The following TRPC5 variants were observed in gnomAD, a reference collection of about 807,000 sequenced individuals.
TRPC5 encodes the protein transient receptor potential cation channel subfamily C member 5, also known as short transient receptor potential channel 5.
TRPC5 carries 9 observed loss-of-function variants against 56.5 expected under a neutral mutation model. The observed-to-expected ratio is 0.16, with a 90% CI of 0.10 to 0.28. The LOEUF is 0.28. TRPC5 is among the 10% of genes least tolerant of loss of function. TRPC5 has a pLI of 1.00. For synonymous variants in TRPC5, 282 were observed against 278.5 expected (o/e 1.01, Z -0.13); for missense variants, 469 against 748.9 (o/e 0.63, Z 4.36).
At chrX:111,986,818 C>T (rs1396517724) in intron 1 of TRPC5, among the ~76,000 whole-genome samples, 1 of 111,440 alleles carries the variant, frequency 9.0e-6, no homozygotes, top group Non-Finnish European at 1.9e-5. Context: ...CATTGTAATT[C>T]AGCCAGTTTC....
At chrX:111,831,421 G>A (rs1922403801) in intron 7 of TRPC5, among the ~76,000 whole-genome samples, 1 of 111,889 alleles carries the variant, frequency 8.9e-6, no homozygotes, top group Admixed American at 9.5e-5. Context: ...GGTGGGTGGG[G>A]AGACCACCTG....
chrX:111,924,302 A>C (rs1363792037), intron 2 of TRPC5, among the ~76,000 whole-genome samples: 1 of 111,649 alleles, frequency 9.0e-6, no homozygotes, highest in Non-Finnish European at 1.9e-5. Context: ...ATGAATAAAG[A>C]AGAGGAGTTG....
At position 111,956,926 on chromosome X, in the gene TRPC5, TG is replaced by T. The variant is rs1175523748; in HGVS notation, c.-21-4486del. Among the ~76,000 whole-genome samples, 6 of 112,034 alleles carry T rather than the reference TG, an allele frequency of 5.4e-5. No individual in the cohort carries two copies. The Admixed American group carries it at 5.7e-4, about 11-fold the overall frequency. ...TCTCCTATGTTCAGCTGAAATCACC[TG>T]CCTATAACCTTTATCCCCTGGCCCA... On this transcript the variant is annotated intron_variant, in intron 1 of 10. Transcript: ENST00000262839.
At chrX:112,080,395 T>TACACACACACACAC (rs201063739) in intron 1 of TRPC5, among the ~76,000 whole-genome samples, 9 of 79,172 alleles carry the variant, frequency 1.1e-4, no homozygotes, top group Middle Eastern at 6.8e-3. Context: ...AAAAACTACA[T>TACACACACACACAC]ACACACACAC....
chrX:111,831,557 T>C (rs775162336), intron 7 of TRPC5, among the ~76,000 whole-genome samples: 1 of 112,071 alleles, frequency 8.9e-6, no homozygotes, highest in Admixed American at 9.5e-5. Context: ...AAGAGTCCAT[T>C]CATCATCTGG....
chrX:112,076,425 G>A (rs1423042422), intron 1 of TRPC5, among the ~76,000 whole-genome samples: 1 of 111,574 alleles, frequency 9.0e-6, no homozygotes, highest in Non-Finnish European at 1.9e-5. Flanking sequence ...GGGCTGGGAA[G>A]AGGTAGGAGT....
At chrX:111,954,105 A>G (rs903665228) in intron 1 of TRPC5, among the ~76,000 whole-genome samples, 1 of 112,548 alleles carries the variant, frequency 8.9e-6, no homozygotes, top group African/African-American at 3.2e-5. Flanking sequence ...CTAAACAAAC[A>G]GCACTTAGAG....
chrX:112,054,800 C>T (rs916605680), intron 1 of TRPC5, among the ~76,000 whole-genome samples: 1 of 111,489 alleles, frequency 9.0e-6, no homozygotes, highest in Admixed American at 9.5e-5. Context: ...CTTGAAAATC[C>T]TCCCCATTAT....
intron 7 of TRPC5, among the ~76,000 whole-genome samples, chrX:111,787,372 C>A (rs1297158710): frequency 3.6e-5 from 4 of 111,202 alleles, no homozygotes; most frequent in African/African-American, 1.3e-4. Context: ...AACAAAGACA[C>A]AATGTACCAG....
chrX:111,831,397 C>T (rs1379996640), intron 7 of TRPC5, among the ~76,000 whole-genome samples: 4 of 112,111 alleles, frequency 3.6e-5, no homozygotes, highest in African/African-American at 1.3e-4. Context: ...TGAGGTTGGT[C>T]CTAGATGACT....
At chrX:112,067,998 C>T (rs1365962954) in intron 1 of TRPC5, among the ~76,000 whole-genome samples, 2 of 112,396 alleles carry the variant, frequency 1.8e-5, no homozygotes, top group East Asian at 5.6e-4. Flanking sequence ...ATGATCACTC[C>T]ATTTTACAGG....
intron 1 of TRPC5, among the ~76,000 whole-genome samples, chrX:111,968,972 TAATAAAATAAAATAAAATAA>T (rs574801408): frequency 0.096 from 9,004 of 93,396 alleles, 910 homozygotes; most frequent in African/African-American, 0.29. Flanking sequence ...ACTTAAAGTA[TAATAAAATAAAATAAAATAA>T]AATAAAATAA....
At chrX:111,956,884 T>C (rs981272949) in intron 1 of TRPC5, among the ~76,000 whole-genome samples, 12 of 111,747 alleles carry the variant, frequency 1.1e-4, no homozygotes, top group African/African-American at 3.6e-4. Context: ...TGGTGAACAC[T>C]GACTTTCAGC....
At chrX:112,048,672 A>C (rs986597276) in intron 1 of TRPC5, among the ~76,000 whole-genome samples, 1 of 111,593 alleles carries the variant, frequency 9.0e-6, no homozygotes, top group Non-Finnish European at 1.9e-5. Flanking sequence ...ATAGACTCTA[A>C]CATGCATAGA....
intron 3 of TRPC5, among the ~76,000 whole-genome samples, chrX:111,909,817 A>G (rs1362807147): frequency 9.0e-6 from 1 of 111,710 alleles, no homozygotes; most frequent in East Asian, 2.8e-4. Flanking sequence ...GGACTAAAAG[A>G]AAGAGGAAAA....
At chrX:111,998,223 G>A (rs1928597434) in intron 1 of TRPC5, among the ~76,000 whole-genome samples, 1 of 111,914 alleles carries the variant, frequency 8.9e-6, no homozygotes, top group Admixed American at 9.6e-5. Flanking sequence ...CTGCAGACCA[G>A]AGCTGTTCCT....
intron 1 of TRPC5, among the ~76,000 whole-genome samples, chrX:111,981,896 T>C (rs930420430): frequency 3.6e-5 from 4 of 112,195 alleles, no homozygotes; most frequent in African/African-American, 1.3e-4. Flanking sequence ...CATGCCGAAT[T>C]GTAATCCCCA....
At chrX:112,080,702 A>G (rs963010097) in intron 1 of TRPC5, among the ~76,000 whole-genome samples, 12 of 112,141 alleles carry the variant, frequency 1.1e-4, no homozygotes, top group African/African-American at 3.2e-4. Flanking sequence ...GTACCATGTG[A>G]CATCATTTAT....
At chrX:111,887,255 T>A (rs1924549905) in intron 3 of TRPC5, among the ~76,000 whole-genome samples, 1 of 112,725 alleles carries the variant, frequency 8.9e-6, no homozygotes, top group South Asian at 3.6e-4. Flanking sequence ...AACAAATAAT[T>A]TATTCCACTA....
Sources: allele counts gnomAD v4.1 joint callset (sites outside exome capture counted in the v4.1 genomes callset), GRCh38; gene constraint gnomAD v4.1.1; transcripts MANE v1.5; gene names NCBI Gene and HGNC (gene_info 2026-07-23, HGNC 2026-07-21).